Variants in FAM83A observed in about 807,000 individuals in gnomAD.
FAM83A encodes the protein protein FAM83A.
A neutral mutation model predicts 24.4 loss-of-function variants in FAM83A; 21 were observed. The observed-to-expected ratio is 0.86, with a 90% confidence interval of 0.61 to 1.24. The LOEUF (loss-of-function observed/expected upper bound fraction) is 1.24. FAM83A is among the 50% of genes most tolerant of loss of function. The pLI is 0.00. For synonymous variants in FAM83A, 270 were observed against 252.4 expected (o/e 1.07, Z -0.66); for missense variants, 617 against 579.8 (o/e 1.06, Z -0.66).
intron 3 of FAM83A, among the ~76,000 whole-genome samples, chr8:123,197,843 A>G (rs1478536404): frequency 6.6e-6 from 1 of 152,220 alleles, no homozygotes; most frequent in Non-Finnish European, 1.5e-5. Context: ...CTTTAAAGTG[A>G]TCTGGGCCGG....
rs754031428 is a variant in FAM83A at position 123,209,535 on chromosome 8, AG to A, written c.*1848del. The A allele has an allele frequency of 2.5e-6, 4 of 1,614,192 alleles. No homozygotes were observed. The African/African-American group carries it at 5.3e-5, about 22-fold the overall frequency. Reference sequence around the variant, plus strand: ...CTTGTTGTTTCACAGCTGACGGCTGAGATGAGGTTAGAATGACTGGGCCCGG... The same window carrying A: ...CTTGTTGTTTCACAGCTGACGGCTGAATGAGGTTAGAATGACTGGGCCCGG... On this transcript the variant is annotated 3_prime_UTR_variant, in exon 4 of 4. Transcript: ENST00000690554. The surrounding 1 kb of genome is among the most constrained non-coding windows in gnomAD (Gnocchi z 4.7).
intron 1 of FAM83A, among the ~76,000 whole-genome samples, chr8:123,186,963 G>C (rs1823820222): frequency 6.6e-6 from 1 of 152,214 alleles, no homozygotes. Context: ...AGAGGAGAAA[G>C]AATTAGACGA....
At chr8:123,183,857 A>G (rs1823706983) in intron 1 of FAM83A, among the ~76,000 whole-genome samples, 1 of 151,274 alleles carries the variant, frequency 6.6e-6, no homozygotes, top group Non-Finnish European at 1.5e-5. Flanking sequence ...CACCACGCCC[A>G]GTTGATTTTT....
At chr8:123,208,807 G>T in exon 4 of FAM83A, 1 of 945,062 alleles carries the variant, frequency 1.1e-6, no homozygotes, top group Non-Finnish European at 1.3e-6. Flanking sequence ...CTGGTCTCGA[G>T]ACCAGCCTGA....
chr8:123,183,429 G>T, intron 1 of FAM83A, 93 bp downstream of exon 1: 2 of 1,517,178 alleles, frequency 1.3e-6, no homozygotes, highest in Admixed American at 2.0e-5. Flanking sequence ...TGCTCCCAGG[G>T]CGAGAGTCCA....
At chr8:123,180,300 A>G (rs1345015154), upstream of FAM83A, 2 of 152,136 alleles carry the variant, frequency 1.3e-5, no homozygotes, top group East Asian at 3.9e-4. Flanking sequence ...AAAAAATAAC[A>G]TAAATGGGAA....
intron 1 of FAM83A, among the ~76,000 whole-genome samples, chr8:123,186,011 G>C (rs915930552): frequency 1.3e-5 from 2 of 152,056 alleles, no homozygotes; most frequent in Non-Finnish European, 2.9e-5. Context: ...GGCTGGTCTT[G>C]AACTCCTGAC....
At chr8:123,193,969 A>G in intron 2 of FAM83A, 55 bp from the exon 3 acceptor site, 1 of 1,606,342 alleles carries the variant, frequency 6.2e-7, no homozygotes, top group Non-Finnish European at 8.5e-7. Flanking sequence ...CTAAAGCCCA[A>G]ATGTATCTCT....
chr8:123,190,623 G>A (rs1440360776), intron 1 of FAM83A, among the ~76,000 whole-genome samples: 2 of 152,072 alleles, frequency 1.3e-5, no homozygotes, highest in Non-Finnish European at 2.9e-5. Flanking sequence ...CACAATTAAG[G>A]TATTAGAAAG....
In FAM83A at chr8:123,208,977, A is replaced by AT. The variant is rs1824649762; in HGVS notation, c.*1289_*1290insT. ...AGACTCCGTCACAGAAAAAAAAAAA[A>AT]AAAAGAGAGAGAGCATAGAGGAGGG... is the stretch of plus-strand genomic sequence containing the variant. On this transcript the variant is annotated 3_prime_UTR_variant, in exon 4 of 4. Transcript: ENST00000690554. 6 of 985,976 alleles carry AT rather than the reference A, an allele frequency of 6.1e-6. No homozygotes were observed. The African/African-American group carries it at 8.8e-5, about 14-fold the overall frequency. 61.1% of individuals were successfully genotyped at this position (985,976 alleles called of 1,614,324 possible).
rs535092040 is a variant in FAM83A at position 123,197,568 on chromosome 8, A to G, written c.773+3420A>G. Reference sequence around the variant, plus strand: ...CCACAGTTGGTTTATCTGGTCACCAATCAATAGACATTGGGTTGTTTCCCC... The same window carrying G: ...CCACAGTTGGTTTATCTGGTCACCAGTCAATAGACATTGGGTTGTTTCCCC... On this transcript the variant is annotated intron_variant, in intron 3 of 3. Coordinates refer to ENST00000690554, the Ensembl canonical transcript of FAM83A. 3.3e-5 allele frequency among the ~76,000 whole-genome samples: 5 copies of G among 152,348 alleles called. No homozygotes were observed. The East Asian group carries it at 7.7e-4, about 24-fold the overall frequency.
At chr8:123,185,149 C>G (rs1823749920) in intron 1 of FAM83A, among the ~76,000 whole-genome samples, 1 of 152,214 alleles carries the variant, frequency 6.6e-6, no homozygotes, top group Non-Finnish European at 1.5e-5. Context: ...AGTGCCCACG[C>G]TGCCTTTGTG....
rs548962438 is a variant in FAM83A at position 123,182,782 on chromosome 8, T to C, written c.-75T>C. On this transcript the variant is annotated 5_prime_UTR_variant, in exon 1 of 4. Transcript: ENST00000690554. ...GTGCGGGAGCCCCACTCCTCCGTGG[T>C]GTGTTCCATTTGCTTCCCACATCTG... 13 of 1,491,642 alleles carry C rather than the reference T, an allele frequency of 8.7e-6. No individual in the cohort carries two copies. The East Asian group carries it at 2.8e-4, about 33-fold the overall frequency. 92.4% of individuals were successfully genotyped at this position (1,491,642 alleles called of 1,614,324 possible). A position where few individuals can be genotyped will look rare whatever the true frequency, so the allele number is the denominator to read the frequency against.
intron 1 of FAM83A, among the ~76,000 whole-genome samples, chr8:123,187,550 T>A (rs535895221): frequency 1.3e-5 from 2 of 152,266 alleles, no homozygotes; most frequent in Non-Finnish European, 2.9e-5. Flanking sequence ...TGTTATTTTA[T>A]GTTAACATAC....
intron 3 of FAM83A, among the ~76,000 whole-genome samples, chr8:123,198,347 G>A (rs1824231111): frequency 6.6e-6 from 1 of 152,166 alleles, no homozygotes; most frequent in Non-Finnish European, 1.5e-5. Flanking sequence ...TGGAAAAAAG[G>A]AGAAGGCCTG....
At chr8:123,207,742 C>T in exon 4 of FAM83A, 2 of 1,411,932 alleles carry the variant, frequency 1.4e-6, no homozygotes, top group Non-Finnish European at 9.2e-7. Context: ...CTCCCTGAGA[C>T]CCAAAGACCC....
intron 1 of FAM83A, among the ~76,000 whole-genome samples, chr8:123,184,214 C>T (rs1337549078): frequency 6.6e-6 from 1 of 152,078 alleles, no homozygotes; most frequent in Non-Finnish European, 1.5e-5. Flanking sequence ...TGATACACAC[C>T]TACTCCTGCT....
At chr8:123,182,652 G>A (rs975137312), upstream of FAM83A, 12 of 825,206 alleles carry the variant, frequency 1.5e-5, no homozygotes, top group Admixed American at 4.0e-5. Flanking sequence ...AGCCAATCCC[G>A]CAGCTGCAGA....
At chr8:123,183,162 C>T (rs767792952) in exon 1 of FAM83A, 12 of 1,613,654 alleles carry the variant, frequency 7.4e-6, no homozygotes, top group African/African-American at 1.3e-5. Context: ...CCCTACAGTC[C>T]GGCACCTACT....
Sources: allele counts gnomAD v4.1 joint callset (sites outside exome capture counted in the v4.1 genomes callset), GRCh38; gene constraint gnomAD v4.1.1; non-coding constraint Gnocchi (gnomAD v3.1); transcripts MANE v1.5; gene names NCBI Gene and HGNC (gene_info 2026-07-23, HGNC 2026-07-21).